BMPER: variants seen among roughly 807,000 people sequenced by gnomAD.
BMPER encodes BMP binding endothelial regulator, also known as BMP-binding endothelial regulator protein.
BMPER carries 45 observed loss-of-function variants against 87.3 expected under a neutral mutation model. The observed-to-expected ratio is 0.52, with a 90% CI of 0.41 to 0.66. The LOEUF (loss-of-function observed/expected upper bound fraction) is 0.66. BMPER is among the 30% of genes least tolerant of loss of function. BMPER has a pLI of 0.00. For missense variants in BMPER, 784 were observed against 867.5 expected, an observed-to-expected ratio of 0.90 and a Z score of 1.21; for synonymous variants, 326 against 316.2, an observed-to-expected ratio of 1.03 and a Z score of -0.33.
chr7:33,996,261 G>A (rs938323832), intron 6 of BMPER, among the ~76,000 whole-genome samples: 2 of 152,062 alleles, frequency 1.3e-5, no homozygotes, highest in Non-Finnish European at 2.9e-5. Flanking sequence ...TGGTTGTGAG[G>A]ATTTCATGGA....
At chr7:33,958,657 C>T (rs1468341421) in intron 3 of BMPER, among the ~76,000 whole-genome samples, 1 of 152,210 alleles carries the variant, frequency 6.6e-6, no homozygotes, top group African/African-American at 2.4e-5. Context: ...TGGAACATGG[C>T]TTTTAGAGTA....
chr7:34,013,352 C>T (rs149972464), intron 6 of BMPER, among the ~76,000 whole-genome samples: 1 of 151,750 alleles, frequency 6.6e-6, no homozygotes, highest in East Asian at 2.0e-4. Flanking sequence ...ATCTATGGCT[C>T]CTCAACTCTA....
At chr7:34,024,442 A>G (rs1585748340) in intron 6 of BMPER, among the ~76,000 whole-genome samples, 68 of 65,240 alleles carry the variant, frequency 1.0e-3, no homozygotes, top group Admixed American at 2.0e-3. Context: ...TATGTTGGGG[A>G]GGGGTATGGT....
intron 14 of BMPER, among the ~76,000 whole-genome samples, chr7:34,152,405 A>G (rs1791200602): frequency 6.6e-6 from 1 of 152,182 alleles, no homozygotes; most frequent in Non-Finnish European, 1.5e-5. Flanking sequence ...TCTAGTCATG[A>G]ATTTTCAGGA....
At chr7:34,034,950 G>C (rs1787624424) in intron 6 of BMPER, among the ~76,000 whole-genome samples, 1 of 152,142 alleles carries the variant, frequency 6.6e-6, no homozygotes, top group Non-Finnish European at 1.5e-5. Flanking sequence ...AGACATGTCA[G>C]AACACTAGCT....
chr7:33,956,472 C>A (rs947699845), intron 3 of BMPER, among the ~76,000 whole-genome samples: 2 of 152,170 alleles, frequency 1.3e-5, no homozygotes, highest in Non-Finnish European at 2.9e-5. Context: ...AACCCTCGGA[C>A]AACATGGGTT....
intron 12 of BMPER, among the ~76,000 whole-genome samples, chr7:34,083,450 A>G (rs895391365): frequency 6.6e-6 from 1 of 151,818 alleles, no homozygotes; most frequent in African/African-American, 2.4e-5. Flanking sequence ...TCTCTCAACC[A>G]AGAAATCTCT....
Position 34,095,558 on chromosome 7 carries a change from G to A in BMPER, c.1745+9466G>A, listed in dbSNP as rs562756272. ...TCATTGGATGGAGAAAATAATGTTA[G>A]TTCATTTTGTATGCAAATGAAATAT... On this transcript the variant is annotated intron_variant, in intron 13 of 14. Coordinates refer to ENST00000649409, the MANE Select transcript of BMPER (RefSeq NM_001365308.1). 2.0e-5 allele frequency among the ~76,000 whole-genome samples: 3 copies of A among 152,268 alleles called. No individual in the cohort carries two copies. The East Asian group carries it at 5.8e-4, about 29-fold the overall frequency.
rs75920307 is a variant in BMPER at position 33,910,307 on chromosome 7, A to G, written c.219+3404A>G. ...TTCTTGCTAGAATTATTTTTCCCAT[A>G]ATGTCTAGGAAAACACGTTGGTGCC... On this transcript the variant is annotated intron_variant, in intron 2 of 14. Transcript: ENST00000649409. Among the ~76,000 whole-genome samples the G allele has an allele frequency of 6.3e-3, 952 of 152,300 alleles. 8 individuals are homozygous for G. Among genetic ancestry groups the G allele is most frequent in the African/African-American group, 0.02 (813 of 41,566 alleles).
At chr7:33,994,117 G>T (rs1786321864) in intron 6 of BMPER, among the ~76,000 whole-genome samples, 1 of 152,188 alleles carries the variant, frequency 6.6e-6, no homozygotes, top group African/African-American at 2.4e-5. Context: ...ACAGAGGCAG[G>T]CAGGCCTCCT....
intron 6 of BMPER, among the ~76,000 whole-genome samples, chr7:33,979,839 C>T (rs1218221306): frequency 2.0e-5 from 3 of 152,190 alleles, no homozygotes; most frequent in African/African-American, 4.8e-5. Context: ...TAGTTACACT[C>T]TCTGAATTTG....
intron 2 of BMPER, among the ~76,000 whole-genome samples, chr7:33,935,730 G>A (rs1184044428): frequency 6.6e-6 from 1 of 152,178 alleles, no homozygotes; most frequent in Non-Finnish European, 1.5e-5. Context: ...TGGGGTGCAG[G>A]TGGCTGTGGA....
intron 3 of BMPER, among the ~76,000 whole-genome samples, chr7:33,965,159 AC>A (rs1229581623): frequency 6.6e-6 from 1 of 152,198 alleles, no homozygotes; most frequent in Non-Finnish European, 1.5e-5. Context: ...TCTCTGTAAC[AC>A]TTCATGCAAA....
intron 2 of BMPER, among the ~76,000 whole-genome samples, chr7:33,930,662 CT>C (rs1784460788): frequency 6.6e-6 from 1 of 152,208 alleles, no homozygotes; most frequent in African/African-American, 2.4e-5. Flanking sequence ...TGAAATCTCA[CT>C]GGGTTCAGTG....
At chr7:34,050,848 T>G (rs1788128996) in intron 7 of BMPER, among the ~76,000 whole-genome samples, 1 of 152,180 alleles carries the variant, frequency 6.6e-6, no homozygotes, top group South Asian at 2.1e-4. Flanking sequence ...ACCAAGCCAG[T>G]TCTACAGAGA....
At chr7:34,098,330 C>T (rs539335418) in intron 13 of BMPER, among the ~76,000 whole-genome samples, 1 of 152,074 alleles carries the variant, frequency 6.6e-6, no homozygotes, top group Admixed American at 6.5e-5. Context: ...GAGGGAGAGG[C>T]CCAGAGCCAG....
chr7:34,031,347 C>A (rs1787512385), intron 6 of BMPER, among the ~76,000 whole-genome samples: 1 of 152,018 alleles, frequency 6.6e-6, no homozygotes, highest in Non-Finnish European at 1.5e-5. Flanking sequence ...CCAAACAAAC[C>A]CCTCCTTAGG....
At chr7:34,019,630 C>T (rs1471934372) in intron 6 of BMPER, among the ~76,000 whole-genome samples, 1 of 151,976 alleles carries the variant, frequency 6.6e-6, no homozygotes, top group Non-Finnish European at 1.5e-5. Context: ...AAGGACCATT[C>T]AGCTGTTTAC....
intron 11 of BMPER, among the ~76,000 whole-genome samples, chr7:34,065,203 A>ACT (rs70997564): frequency 0.013 from 1,306 of 97,272 alleles, 9 homozygotes; most frequent in African/African-American, 0.032. Flanking sequence ...ATACACACTC[A>ACT]CTCTCTCTCT....
Sources: allele counts gnomAD v4.1 joint callset (sites outside exome capture counted in the v4.1 genomes callset), GRCh38; gene constraint gnomAD v4.1.1; transcripts MANE v1.5; gene names NCBI Gene and HGNC (gene_info 2026-07-23, HGNC 2026-07-21).